ARHGAP42: variants seen among roughly 807,000 people sequenced by gnomAD.
ARHGAP42 encodes Rho GTPase activating protein 42, also known as rho GTPase-activating protein 42.
A neutral mutation model predicts 125.0 loss-of-function variants in ARHGAP42; 63 were observed. The observed-to-expected ratio is 0.50, with a 90% CI of 0.41 to 0.62. The LOEUF is 0.62. ARHGAP42 is among the 20% of genes least tolerant of loss of function. The pLI, the probability that ARHGAP42 is intolerant of heterozygous loss-of-function variation, is 0.00. For synonymous variants in ARHGAP42, 339 were observed against 351.0 expected (o/e 0.97, Z 0.38); for missense variants, 766 against 1,024.2 (o/e 0.75, Z 3.44).
chr11:100,701,367 G>A (rs1459033401), intron 1 of ARHGAP42, among the ~76,000 whole-genome samples: 1 of 152,158 alleles, frequency 6.6e-6, no homozygotes, highest in Non-Finnish European at 1.5e-5. Context: ...GAGTCAGCCT[G>A]AAGCTTTGAA....
Position 100,687,646 on chromosome 11 carries a change from G to A in ARHGAP42, c.-33G>A. On this transcript the variant is annotated 5_prime_UTR_variant, in exon 1 of 24. The change creates a new upstream start codon in the 5' untranslated region. Coordinates refer to ENST00000298815, the MANE Select transcript of ARHGAP42 (RefSeq NM_152432.4). ...CCCCGCCCTGACCTCCGGCCCGGAC[G>A]TGTCCGCGGCCGCCGCTGGCAGCGC... 2.8e-6 allele frequency: 4 copies of A among 1,406,082 alleles called. No homozygotes were observed. The highest frequency in any genetic ancestry group is 3.1e-5 in the South Asian group (2 of 64,274). 87.1% of individuals were successfully genotyped at this position (1,406,082 alleles called of 1,614,324 possible). A position where few individuals can be genotyped will look rare whatever the true frequency, so the allele number is the denominator to read the frequency against.
intron 23 of ARHGAP42, 58 bp downstream of exon 23, chr11:100,987,650 G>T (rs1858715990): frequency 1.0e-5 from 15 of 1,444,100 alleles, no homozygotes; most frequent in Non-Finnish European, 1.3e-5. Context: ...TGAAGGAATA[G>T]TATGGTGGTA....
intron 4 of ARHGAP42, among the ~76,000 whole-genome samples, chr11:100,893,425 A>T (rs1031411671): frequency 6.6e-6 from 1 of 152,092 alleles, no homozygotes; most frequent in Non-Finnish European, 1.5e-5. Flanking sequence ...TAGTAATAAA[A>T]TTGATTAAGT....
Position 100,992,764 on chromosome 11 carries a change from C to G in ARHGAP42, c.*3963C>G. On this transcript the variant is annotated 3_prime_UTR_variant, in exon 24 of 24. Transcript: ENST00000298815. ...TATTTTTTGAGGGCAGCTGCCCTCA[C>G]TGTTTTAAATAAAGAATCTTACATA... 1.4e-6 allele frequency: 2 copies of G among 1,467,964 alleles called. No individual in the cohort carries two copies. Among genetic ancestry groups the G allele is most frequent in the Non-Finnish European group, 1.8e-6 (2 of 1,089,828 alleles). 90.9% of individuals were successfully genotyped at this position (1,467,964 alleles called of 1,614,324 possible). A position where few individuals can be genotyped will look rare whatever the true frequency, so the allele number is the denominator to read the frequency against.
At chr11:100,689,148 T>G (rs1861143199) in intron 1 of ARHGAP42, among the ~76,000 whole-genome samples, 1 of 152,194 alleles carries the variant, frequency 6.6e-6, no homozygotes. Context: ...AGATAATATA[T>G]TTTATGCCCA....
chr11:100,779,469 T>TAC (rs1863220377), intron 2 of ARHGAP42, among the ~76,000 whole-genome samples: 1 of 75,730 alleles, frequency 1.3e-5, no homozygotes, highest in African/African-American at 4.8e-5. Context: ...AAAAAAAAAA[T>TAC]ATATATATAT....
intron 12 of ARHGAP42, among the ~76,000 whole-genome samples, chr11:100,958,291 G>A (rs550815269): frequency 6.6e-5 from 10 of 151,974 alleles, no homozygotes; most frequent in African/African-American, 9.7e-5. Context: ...TCCAAGAAAA[G>A]CTTCACTCTC....
intron 4 of ARHGAP42, among the ~76,000 whole-genome samples, chr11:100,883,127 C>G (rs564242971): frequency 6.6e-6 from 1 of 152,208 alleles, no homozygotes; most frequent in African/African-American, 2.4e-5. Context: ...CAGACTGCTG[C>G]TTATCCTGGA....
At chr11:100,737,309 C>T (rs1012708202) in intron 1 of ARHGAP42, among the ~76,000 whole-genome samples, 4 of 152,154 alleles carry the variant, frequency 2.6e-5, no homozygotes, top group African/African-American at 9.7e-5. Context: ...CTTAATCTCA[C>T]TTAGGATTAG....
At chr11:100,967,263 T>C (rs1356140567) in intron 17 of ARHGAP42, among the ~76,000 whole-genome samples, 1 of 152,244 alleles carries the variant, frequency 6.6e-6, no homozygotes, top group African/African-American at 2.4e-5. Flanking sequence ...ATCATTGCTT[T>C]CTTCCTAAGA....
In ARHGAP42 at chr11:100,710,135, A is replaced by G. The variant is rs777263158; in HGVS notation, c.154+22303A>G. Among the ~76,000 whole-genome samples, 177 of 152,308 alleles carry G rather than the reference A, an allele frequency of 1.2e-3. 1 individual carries two copies. Among genetic ancestry groups the G allele is most frequent in the Admixed American group, 2.6e-4 (4 of 15,286 alleles). On this transcript the variant is annotated intron_variant, in intron 1 of 23. Transcript: ENST00000298815. ...GTGGACAGCTTAAGTCAGCTCTTGC[A>G]TATTTCTTTTGGGGTTCTAAATTAT...
At chr11:100,774,822 C>G (rs6590822) in intron 2 of ARHGAP42, among the ~76,000 whole-genome samples, 3 of 152,176 alleles carry the variant, frequency 2.0e-5, no homozygotes, top group Non-Finnish European at 4.4e-5. Context: ...TCTGTCCCAA[C>G]GCTTCACTGG....
chr11:100,749,792 G>A (rs1345652036), intron 1 of ARHGAP42, among the ~76,000 whole-genome samples: 1 of 152,146 alleles, frequency 6.6e-6, no homozygotes, highest in Non-Finnish European at 1.5e-5. Flanking sequence ...AACACTGCAA[G>A]TAGGGTCGTT....
intron 3 of ARHGAP42, among the ~76,000 whole-genome samples, chr11:100,803,213 T>A (rs200067607): frequency 1.4e-5 from 2 of 147,938 alleles, no homozygotes; most frequent in African/African-American, 2.5e-5. Context: ...CAATCTCTAC[T>A]AAAAAAAAAA....
At chr11:100,842,232 A>G (rs1225760860) in intron 3 of ARHGAP42, among the ~76,000 whole-genome samples, 3 of 152,182 alleles carry the variant, frequency 2.0e-5, no homozygotes. Context: ...TAGCTCCTAC[A>G]TTCACCATCG....
At chr11:100,933,306 C>A in intron 7 of ARHGAP42, 46 bp downstream of exon 7, 2 of 1,362,876 alleles carry the variant, frequency 1.5e-6, no homozygotes, top group Non-Finnish European at 1.0e-6. Context: ...ATCTGCAAAT[C>A]TGATTTCACA....
At chr11:100,838,137 T>G (rs1864859925) in intron 3 of ARHGAP42, among the ~76,000 whole-genome samples, 1 of 151,932 alleles carries the variant, frequency 6.6e-6, no homozygotes, top group Non-Finnish European at 1.5e-5. Flanking sequence ...CTAGTTATTT[T>G]GTAGAAATTT....
At position 100,793,305 on chromosome 11, in the gene ARHGAP42, C is replaced by G. The variant is rs192137350; in HGVS notation, c.251-1800C>G. On this transcript the variant is annotated intron_variant, in intron 2 of 23. Transcript: ENST00000298815. ...ATACACTCCAGTTAAAATATTCTTT[C>G]TATTTATATAATAATTTTTTGTTCA... Among the ~76,000 whole-genome samples the G allele has an allele frequency of 3.9e-4, 59 of 152,260 alleles. 1 individual carries two copies. Among genetic ancestry groups the G allele is most frequent in the Admixed American group, 3.6e-3 (55 of 15,298 alleles).
At chr11:100,765,300 A>G (rs1482332853) in intron 1 of ARHGAP42, among the ~76,000 whole-genome samples, 3 of 152,174 alleles carry the variant, frequency 2.0e-5, no homozygotes, top group Non-Finnish European at 4.4e-5. Context: ...TACACACTCA[A>G]TCCAAACTGA....
Sources: allele counts gnomAD v4.1 joint callset (sites outside exome capture counted in the v4.1 genomes callset), GRCh38; gene constraint gnomAD v4.1.1; transcripts MANE v1.5; gene names NCBI Gene and HGNC (gene_info 2026-07-23, HGNC 2026-07-21).